The following FSTL5 variants were observed in gnomAD, a reference collection of about 807,000 sequenced individuals.
The protein encoded by FSTL5 is follistatin like 5, also known as follistatin-related protein 5.
FSTL5 carries 62 observed loss-of-function variants against 89.1 expected under a neutral mutation model. That is an observed-to-expected ratio of 0.70 (90% confidence interval 0.57 to 0.86). The LOEUF is 0.86. FSTL5 is among the 40% of genes least tolerant of loss of function. The pLI, the probability that FSTL5 is intolerant of heterozygous loss-of-function variation, is 0.00. For synonymous variants in FSTL5, 383 were observed against 346.2 expected, an observed-to-expected ratio of 1.11 and a Z score of -1.18; for missense variants, 1,057 against 1,001.6, an observed-to-expected ratio of 1.06 and a Z score of -0.75.
chr4:161,503,727 C>T (rs1041550793), intron 11 of FSTL5, among the ~76,000 whole-genome samples: 1 of 151,900 alleles, frequency 6.6e-6, no homozygotes, highest in Admixed American at 6.6e-5. Flanking sequence ...ATATAGTGTT[C>T]AGATGGTACT....
chr4:162,163,464 A>T (rs879725154), intron 1 of FSTL5, among the ~76,000 whole-genome samples, 151 bp downstream of exon 1: 72,269 of 137,002 alleles, frequency 0.53, 18,024 homozygotes, highest in Admixed American at 0.6. Flanking sequence ...AATAATAATA[A>T]TAATAGTAAT....
Position 161,856,662 on chromosome 4 carries a change from G to GTATATATATATATATATAAATATGTA in FSTL5, c.409+63741_409+63742insTACATATTTATATATATATATATATA, listed in dbSNP as rs10647528. On this transcript the variant is annotated intron_variant, in intron 4 of 15. Coordinates refer to ENST00000306100, the MANE Select transcript of FSTL5 (RefSeq NM_020116.5). Reference sequence around the variant, plus strand: ...TTTATTTGCATACTTGTGTGTGTGTGTATATATATATATATAAATATGTAT... The same window carrying GTATATATATATATATATAAATATGTA: ...TTTATTTGCATACTTGTGTGTGTGTGTATATATATATATATATAAATATGTATATATATATATATATAAATATGTAT... Among the ~76,000 whole-genome samples the GTATATATATATATATATAAATATGTA allele has an allele frequency of 4.1e-5, 6 of 147,820 alleles. No homozygotes were observed. The Admixed American group carries it at 4.1e-4, about 10-fold the overall frequency.
At chr4:161,493,649 A>G (rs1353199744) in intron 12 of FSTL5, among the ~76,000 whole-genome samples, 1 of 152,064 alleles carries the variant, frequency 6.6e-6, no homozygotes, top group African/African-American at 2.4e-5. Context: ...TTCCATCAAA[A>G]TCTTCAATTT....
intron 13 of FSTL5, among the ~76,000 whole-genome samples, chr4:161,467,895 A>C (rs1733800421): frequency 6.6e-6 from 1 of 152,092 alleles, no homozygotes; most frequent in Non-Finnish European, 1.5e-5. Flanking sequence ...TTGGTAGCAT[A>C]TATATAAAGC....
chr4:161,841,840 T>C (rs1052722250), intron 4 of FSTL5, among the ~76,000 whole-genome samples: 10 of 152,124 alleles, frequency 6.6e-5, no homozygotes, highest in African/African-American at 2.4e-4. Flanking sequence ...CTGTTTTTGA[T>C]GTTGATGAGG....
At chr4:161,448,383 T>C (rs907885893) in intron 15 of FSTL5, among the ~76,000 whole-genome samples, 3 of 152,134 alleles carry the variant, frequency 2.0e-5, no homozygotes, top group Non-Finnish European at 4.4e-5. Context: ...TAAAATTGTA[T>C]CTCCATACAC....
At chr4:161,860,078 G>A (rs1731853353) in intron 4 of FSTL5, among the ~76,000 whole-genome samples, 1 of 152,120 alleles carries the variant, frequency 6.6e-6, no homozygotes, top group Non-Finnish European at 1.5e-5. Context: ...CACAAGGTCA[G>A]GAGATCTAGA....
chr4:161,672,460 T>A (rs1737150122), intron 6 of FSTL5, among the ~76,000 whole-genome samples: 1 of 152,048 alleles, frequency 6.6e-6, no homozygotes, highest in South Asian at 2.1e-4. Flanking sequence ...AGAAATGAGC[T>A]TTTTGCTTTT....
At chr4:161,661,056 A>G (rs1736689797) in intron 6 of FSTL5, among the ~76,000 whole-genome samples, 1 of 152,186 alleles carries the variant, frequency 6.6e-6, no homozygotes, top group Non-Finnish European at 1.5e-5. Context: ...ATCGTGGAAG[A>G]CGGTATGGCA....
intron 11 of FSTL5, among the ~76,000 whole-genome samples, chr4:161,504,246 A>G (rs1256927052): frequency 6.6e-6 from 1 of 151,930 alleles, no homozygotes; most frequent in Non-Finnish European, 1.5e-5. Context: ...ATATTAGTAG[A>G]TAGAGATACA....
chr4:161,412,501 G>C (rs989465609), intron 15 of FSTL5, among the ~76,000 whole-genome samples: 8 of 152,008 alleles, frequency 5.3e-5, no homozygotes, highest in African/African-American at 1.9e-4. Flanking sequence ...GGCCTGTCGT[G>C]GGGTAGGGGG....
intron 8 of FSTL5, among the ~76,000 whole-genome samples, chr4:161,552,318 A>G (rs963546436): frequency 2.0e-5 from 3 of 151,886 alleles, no homozygotes; most frequent in African/African-American, 7.2e-5. Flanking sequence ...ATCTTGCCAC[A>G]GGATTTGTAA....
intron 2 of FSTL5, among the ~76,000 whole-genome samples, 180 bp from the exon 3 acceptor site, chr4:162,033,838 GCCCAGGCTGGAGTGCAATGGCATGAA>G (rs1412492652): frequency 4.6e-5 from 7 of 151,936 alleles, no homozygotes; most frequent in African/African-American, 1.7e-4. Context: ...TTGCCCTGTT[GCCCAGGCTGGAGTGCAATGGCATGAA>G]CATGGTTCAC....
At chr4:162,122,337 G>C (rs997784375) in intron 1 of FSTL5, among the ~76,000 whole-genome samples, 1 of 151,794 alleles carries the variant, frequency 6.6e-6, no homozygotes. Context: ...ACTGTTCCCC[G>C]CTTCTACCAC....
chr4:161,530,955 C>A (rs573600940), intron 10 of FSTL5, among the ~76,000 whole-genome samples: 2 of 152,256 alleles, frequency 1.3e-5, no homozygotes, highest in East Asian at 3.9e-4. Context: ...TGTGTTACCT[C>A]TATCTAAATC....
intron 15 of FSTL5, among the ~76,000 whole-genome samples, chr4:161,410,974 T>C (rs924864655): frequency 9.1e-6 from 1 of 109,486 alleles, no homozygotes; most frequent in Non-Finnish European, 2.0e-5. Flanking sequence ...ATAAGATTGA[T>C]AGACCTTTAG....
chr4:161,830,524 G>C (rs1730811115), intron 4 of FSTL5, among the ~76,000 whole-genome samples: 1 of 151,862 alleles, frequency 6.6e-6, no homozygotes, highest in Non-Finnish European at 1.5e-5. Flanking sequence ...AAAAATCCTA[G>C]TTTCTCTGTT....
At chr4:161,735,113 C>T (rs533426363) in intron 6 of FSTL5, among the ~76,000 whole-genome samples, 79 of 152,290 alleles carry the variant, frequency 5.2e-4, no homozygotes, top group African/African-American at 1.9e-3. Context: ...TCAGGGTTCC[C>T]ATAACCTTCT....
At chr4:162,127,507 G>GT (rs1374019426) in intron 1 of FSTL5, among the ~76,000 whole-genome samples, 3 of 152,110 alleles carry the variant, frequency 2.0e-5, no homozygotes, top group Admixed American at 6.5e-5. Flanking sequence ...ATTTTTTTAA[G>GT]TTTCACAGAA....
Sources: allele counts gnomAD v4.1 joint callset (sites outside exome capture counted in the v4.1 genomes callset), GRCh38; gene constraint gnomAD v4.1.1; transcripts MANE v1.5; gene names NCBI Gene and HGNC (gene_info 2026-07-23, HGNC 2026-07-21).